The following PLIN1 variants were observed in gnomAD, a reference collection of about 807,000 sequenced individuals.
PLIN1 encodes the protein perilipin 1.
A neutral mutation model predicts 45.8 loss-of-function variants in PLIN1; 37 were observed. The ratio of observed to expected loss-of-function variants is 0.81; its 90% CI spans 0.62 to 1.06. The LOEUF (loss-of-function observed/expected upper bound fraction) is 1.06. Ranked by LOEUF, PLIN1 falls within the 50% of genes least tolerant of loss-of-function variation. The pLI is 0.00. For synonymous variants in PLIN1, 340 were observed against 309.2 expected (o/e 1.10, Z -1.05); for missense variants, 776 against 716.5 (o/e 1.08, Z -0.95).
chr15:89,666,070 A>G (rs539798165), intron 8 of PLIN1, 128 bp from the exon 9 acceptor site: 4 of 647,768 alleles, frequency 6.2e-6, no homozygotes, highest in Non-Finnish European at 9.3e-6. Flanking sequence ...CAGGCTGGGG[A>G]GCGGTTCAGT....
intron 3 of PLIN1, among the ~76,000 whole-genome samples, chr15:89,672,118 G>T (rs1158913508): frequency 6.6e-6 from 1 of 151,882 alleles, no homozygotes; most frequent in Non-Finnish European, 1.5e-5. Flanking sequence ...AGCACAGCCA[G>T]TGCAGGCCCC....
At position 89,665,895 on chromosome 15, in the gene PLIN1, G is replaced by A; in HGVS notation, c.1257C>T (p.Ile419=). 6.5e-6 allele frequency: 10 copies of A among 1,533,702 alleles called. No individual in the cohort carries two copies. Among genetic ancestry groups the A allele is most frequent in the Non-Finnish European group, 7.8e-6 (9 of 1,149,400 alleles). The change falls in exon 9 of 9, where the codon ATC becomes ATT. Residue 419 remains isoleucine, a synonymous_variant. Coordinates refer to ENST00000300055, the MANE Select transcript of PLIN1 (RefSeq NM_002666.5). ...GCTCGACCTCGGCTGGTGGGTTGTC[G>A]ATGTCCCGGAATTCGCTCTCGGGCT... ...LMEPESEFRD[I]DNPPAEVERR... is the part of the protein sequence containing the mutation.
Position 89,665,950 on chromosome 15 carries a change from C to T in PLIN1, c.1210-8G>A. The T allele has an allele frequency of 1.3e-6, 2 of 1,489,894 alleles. No individual in the cohort carries two copies. The highest frequency in any genetic ancestry group is 1.8e-6 in the Non-Finnish European group (2 of 1,122,492). 92.3% of individuals were successfully genotyped at this position (1,489,894 alleles called of 1,614,324 possible). A position where few individuals can be genotyped will look rare whatever the true frequency, so the allele number is the denominator to read the frequency against. On this transcript the variant is annotated splice_region_variant and splice_polypyrimidine_tract_variant and intron_variant, in intron 8 of 8. Transcript: ENST00000300055. The stretch of plus-strand genomic sequence containing the variant: ...CAGCGACAGCCTGGGGAGCTGAGGG[C>T]CCGGCAGCCGCCTTAGAGTCCTGGC...
At position 89,665,056 on chromosome 15, in the gene PLIN1, T is replaced by G; in HGVS notation, c.*527A>C. 2.5e-6 allele frequency: 1 copy of G among 398,702 alleles called. No homozygotes were observed. Among genetic ancestry groups the G allele is most frequent in the East Asian group, 7.2e-5 (1 of 13,950 alleles). 24.7% of individuals were successfully genotyped at this position (398,702 alleles called of 1,614,324 possible). A position where few individuals can be genotyped will look rare whatever the true frequency, so the allele number is the denominator to read the frequency against. On this transcript the variant is annotated 3_prime_UTR_variant, in exon 9 of 9. Transcript: ENST00000300055. Reference sequence around the variant, plus strand: ...GAGCTTTTGCATCTGATTGTTCCCTTCAAAGTAGCCTGCTGGGAGCCTAGA... The same window carrying G: ...GAGCTTTTGCATCTGATTGTTCCCTGCAAAGTAGCCTGCTGGGAGCCTAGA...
At chr15:89,678,948 G>A (rs904743186) in intron 1 of PLIN1, among the ~76,000 whole-genome samples, 1 of 151,902 alleles carries the variant, frequency 6.6e-6, no homozygotes, top group Non-Finnish European at 1.5e-5. Flanking sequence ...TGGGATCAAG[G>A]TACCCTCCCA....
At chr15:89,669,937 T>C (rs1379659863) in intron 5 of PLIN1, 43 bp downstream of exon 5, 4 of 1,586,718 alleles carry the variant, frequency 2.5e-6, no homozygotes, top group South Asian at 1.1e-5. Flanking sequence ...AGGCAGTGTG[T>C]GTGACAACTC....
intron 8 of PLIN1, 107 bp downstream of exon 8, chr15:89,666,829 G>A: frequency 7.6e-7 from 1 of 1,313,236 alleles, no homozygotes; most frequent in East Asian, 2.3e-5. Context: ...GGTCTCCAGA[G>A]GAGTAGGGGA....
Position 89,665,512 on chromosome 15 carries a change from T to G in PLIN1, c.*71A>C, listed in dbSNP as rs549415336. On this transcript the variant is annotated 3_prime_UTR_variant, in exon 9 of 9. Transcript: ENST00000300055. ...CACTTTGAAAGTGGCAACGCTCGCCTGGGCAGTGCGGGTTCTGTTTATTTG... is the reference window on the plus strand; with the variant it reads ...CACTTTGAAAGTGGCAACGCTCGCCGGGGCAGTGCGGGTTCTGTTTATTTG... 1.9e-5 allele frequency: 28 copies of G among 1,464,752 alleles called. No individual in the cohort carries two copies. The East Asian group carries it at 6.8e-4, about 36-fold the overall frequency. 90.7% of individuals were successfully genotyped at this position (1,464,752 alleles called of 1,614,324 possible).
At chr15:89,677,350 A>C in intron 2 of PLIN1, 95 bp downstream of exon 2, 2 of 975,820 alleles carry the variant, frequency 2.0e-6, no homozygotes, top group Non-Finnish European at 3.4e-6. Flanking sequence ...TAATCTGGGA[A>C]TATCTTGCTC....
chr15:89,674,259 T>C (rs1964483864), intron 2 of PLIN1, among the ~76,000 whole-genome samples: 1 of 152,156 alleles, frequency 6.6e-6, no homozygotes, highest in Non-Finnish European at 1.5e-5. Flanking sequence ...TTTTTATTTA[T>C]TTATTATTTT....
chr15:89,677,170 C>T, intron 2 of PLIN1: 1 of 526,630 alleles, frequency 1.9e-6, no homozygotes, highest in Admixed American at 3.2e-5. Flanking sequence ...CAGTAGTTTC[C>T]TTCCTCTCCA....
chr15:89,673,282 T>C lies in PLIN1; in HGVS notation c.178A>G (p.Lys60Glu), dbSNP rs772882018. 1 of 1,583,616 alleles carries C rather than the reference T, an allele frequency of 6.3e-7. No individual in the cohort carries two copies. The highest frequency in any genetic ancestry group is 8.6e-7 in the Non-Finnish European group (1 of 1,163,656). The change falls in exon 3 of 9, where the codon AAG becomes GAG. Residue 60 changes from lysine to glutamate, a missense_variant. Lys to Glu is a moderately conservative substitution (Grantham distance 56, BLOSUM62 1). Transcript: ENST00000300055. ...AAGCTACTGGCGCTCTGCACGCCCT[T>C]CTCATAGGCATTGCACACAGAGGCC... Reference protein sequence around the residue: ...LVASVCNAYEKGVQSASSLAA... With the variant: ...LVASVCNAYEEGVQSASSLAA...
At chr15:89,667,494 A>C (rs1964367467) in intron 7 of PLIN1, 108 bp downstream of exon 7, 4 of 1,532,148 alleles carry the variant, frequency 2.6e-6, no homozygotes, top group Non-Finnish European at 3.6e-6. Context: ...TTGCACGCAC[A>C]TGCCGTGCCC....
At position 89,671,532 on chromosome 15, in the gene PLIN1, A is replaced by G. The variant is rs748240186; in HGVS notation, c.283T>C (p.Leu95=). ...TAANELACRG[L]DHLEEKIPAL... Reference sequence around the variant, plus strand: ...GGGATCTTTTCCTCCAGGTGGTCCAAGCCTCGGCAGGCCAGCTCATTGGCA... The same window carrying G: ...GGGATCTTTTCCTCCAGGTGGTCCAGGCCTCGGCAGGCCAGCTCATTGGCA... The change falls in exon 4 of 9, where the codon TTG becomes CTG. Residue 95 remains leucine, a synonymous_variant. Coordinates refer to ENST00000300055, the MANE Select transcript of PLIN1 (RefSeq NM_002666.5). 1 of 1,574,850 alleles carries G rather than the reference A, an allele frequency of 6.3e-7. No homozygotes were observed. Among genetic ancestry groups the G allele is most frequent in the Non-Finnish European group, 8.6e-7 (1 of 1,159,582 alleles).
At chr15:89,668,455 T>C (rs8179067) in intron 6 of PLIN1, among the ~76,000 whole-genome samples, 12,528 of 152,216 alleles carry the variant, frequency 0.082, 577 homozygotes, top group Middle Eastern at 0.11. Context: ...TGCTGGGCCA[T>C]AGGATATATG....
intron 2 of PLIN1, among the ~76,000 whole-genome samples, chr15:89,676,404 T>C (rs769427772): frequency 3.2e-4 from 48 of 152,202 alleles, no homozygotes; most frequent in Non-Finnish European, 5.0e-4. Context: ...CCCGCCACCA[T>C]ACCCCGCTGA....
At chr15:89,677,331 C>G in intron 2 of PLIN1, 114 bp downstream of exon 2, 2 of 898,296 alleles carry the variant, frequency 2.2e-6, no homozygotes, top group Non-Finnish European at 3.8e-6. Flanking sequence ...AGTCAATGAA[C>G]TAGGATTATA....
chr15:89,675,458 C>T (rs1449340977), intron 2 of PLIN1, among the ~76,000 whole-genome samples: 1 of 144,530 alleles, frequency 6.9e-6, no homozygotes, highest in African/African-American at 2.5e-5. Context: ...GCTGGCCATG[C>T]TAATATTTGA....
At position 89,665,558 on chromosome 15, in the gene PLIN1, G is replaced by A. The variant is rs1964318853; in HGVS notation, c.*25C>T. 7 of 1,522,038 alleles carry A rather than the reference G, an allele frequency of 4.6e-6. No individual in the cohort carries two copies. Among genetic ancestry groups the A allele is most frequent in the South Asian group, 2.4e-5 (2 of 82,484 alleles). The allele number at this position is 1,522,038 out of a possible 1,614,324, so 94.3% of individuals were successfully genotyped here. On this transcript the variant is annotated 3_prime_UTR_variant, in exon 9 of 9. Coordinates refer to ENST00000300055, the MANE Select transcript of PLIN1 (RefSeq NM_002666.5). ...ATTTGTTAGAGAAACCCGCCGGCCC[G>A]GGGCGCGGCGGCTGGTGCGGCGACT...
Sources: gnomAD v4.1 joint callset for allele counts (sites outside exome capture counted in the v4.1 genomes callset) on GRCh38, gnomAD v4.1.1 for gene constraint, MANE v1.5 for transcripts, NCBI Gene and HGNC (gene_info 2026-07-23, HGNC 2026-07-21) for gene names.